Variants in EXT1 observed in about 807,000 individuals in gnomAD.
EXT1 encodes the protein exostosin glycosyltransferase 1.
In EXT1, 20 loss-of-function variants were observed where a neutral mutation model predicts 82.5. The observed-to-expected ratio is 0.24, with a 90% CI of 0.17 to 0.35. The LOEUF (loss-of-function observed/expected upper bound fraction) is 0.35, where lower values mean the gene tolerates loss of function less well. EXT1 is among the 10% of genes least tolerant of loss of function. The pLI is 1.00. For missense variants in EXT1, 757 were observed against 936.5 expected (o/e 0.81, Z 2.50); for synonymous variants, 348 against 350.8 (o/e 0.99, Z 0.09).
intron 3 of EXT1, among the ~76,000 whole-genome samples, chr8:117,834,148 A>C (rs4546690): frequency 0.23 from 34,720 of 152,158 alleles, 4,626 homozygotes; most frequent in Middle Eastern, 0.38. Context: ...TCACAAACTG[A>C]GTGCCAGACA....
intron 7 of EXT1, among the ~76,000 whole-genome samples, chr8:117,816,252 A>C (rs1179133022): frequency 6.6e-6 from 1 of 152,146 alleles, no homozygotes; most frequent in East Asian, 1.9e-4. Flanking sequence ...GTCACACAAA[A>C]GTAATTTTGA....
At chr8:117,948,293 G>A (rs1814426162) in intron 1 of EXT1, among the ~76,000 whole-genome samples, 1 of 103,550 alleles carries the variant, frequency 9.7e-6, no homozygotes, top group Non-Finnish European at 1.7e-5. Flanking sequence ...GTGAGAGGCA[G>A]AAAGAAGTCA....
At chr8:118,009,433 C>T (rs17453742) in intron 1 of EXT1, among the ~76,000 whole-genome samples, 4 of 152,120 alleles carry the variant, frequency 2.6e-5, no homozygotes, top group African/African-American at 4.8e-5. Context: ...GAGAAAAGGA[C>T]GTGGAGAAAG....
At chr8:118,030,929 G>A (rs1208276248) in intron 1 of EXT1, among the ~76,000 whole-genome samples, 7 of 152,146 alleles carry the variant, frequency 4.6e-5, no homozygotes, top group Admixed American at 3.9e-4. Context: ...TCACTCTTAC[G>A]TTTCTAAAGG....
intron 1 of EXT1, among the ~76,000 whole-genome samples, chr8:118,099,584 G>A (rs141195338): frequency 5.3e-4 from 81 of 152,208 alleles, no homozygotes; most frequent in Non-Finnish European, 7.3e-5. Context: ...AAGGACACAG[G>A]TTCAAAAGTC....
intron 1 of EXT1, among the ~76,000 whole-genome samples, chr8:117,854,668 C>T (rs1160682371): frequency 6.6e-6 from 1 of 152,190 alleles, no homozygotes; most frequent in Non-Finnish European, 1.5e-5. Flanking sequence ...CTGTTGAGAG[C>T]ACACTCATTC....
chr8:118,000,324 A>G (rs17453651), intron 1 of EXT1, among the ~76,000 whole-genome samples: 2,930 of 152,152 alleles, frequency 0.019, 37 homozygotes, highest in Middle Eastern at 0.031. Context: ...AAAATGAACA[A>G]TCCCTGACTA....
rs981756662 is a variant in EXT1 at position 117,801,479 on chromosome 8, C to T, written c.2056-1582G>A. ...ATCCCAAATGTAACTTGTTTTGACC[C>T]TAAATGGATATGAGTTTGTGGGCCA... On this transcript the variant is annotated intron_variant, in intron 10 of 10. Transcript: ENST00000378204. 3.3e-5 allele frequency among the ~76,000 whole-genome samples: 5 copies of T among 152,158 alleles called. No homozygotes were observed. In the East Asian group the frequency reaches 9.7e-4, roughly 29 times the overall value.
chr8:117,856,061 T>A (rs922669632), intron 1 of EXT1, among the ~76,000 whole-genome samples: 1 of 152,208 alleles, frequency 6.6e-6, no homozygotes, highest in Non-Finnish European at 1.5e-5. Flanking sequence ...ATGCCTCTCA[T>A]GCCAAACAGC....
intron 1 of EXT1, among the ~76,000 whole-genome samples, chr8:117,989,754 C>T (rs1159254863): frequency 6.6e-6 from 1 of 152,228 alleles, no homozygotes. Flanking sequence ...CTCACATTTG[C>T]TGTCCATGCC....
chr8:118,071,177 G>A (rs769458630), intron 1 of EXT1, among the ~76,000 whole-genome samples: 3 of 152,174 alleles, frequency 2.0e-5, no homozygotes, highest in South Asian at 2.1e-4. Flanking sequence ...GGTAGGTAGA[G>A]CATTTTGCAG....
chr8:118,081,025 C>T (rs1817316582), intron 1 of EXT1, among the ~76,000 whole-genome samples: 1 of 152,140 alleles, frequency 6.6e-6, no homozygotes, highest in Non-Finnish European at 1.5e-5. Flanking sequence ...ATTTAGGGAG[C>T]ACTTATCTTA....
chr8:117,935,908 A>G (rs1292165028), intron 1 of EXT1, among the ~76,000 whole-genome samples: 3 of 152,140 alleles, frequency 2.0e-5, no homozygotes, highest in Non-Finnish European at 4.4e-5. Flanking sequence ...CTATATTCAA[A>G]GCTCCCTGGT....
At chr8:117,868,572 C>T (rs1216163288) in intron 1 of EXT1, among the ~76,000 whole-genome samples, 1 of 152,138 alleles carries the variant, frequency 6.6e-6, no homozygotes, top group Non-Finnish European at 1.5e-5. Flanking sequence ...CCACCTCAGC[C>T]TCCTGAGTAG....
At chr8:118,002,694 C>A (rs1445114782) in intron 1 of EXT1, among the ~76,000 whole-genome samples, 1 of 151,702 alleles carries the variant, frequency 6.6e-6, no homozygotes, top group Non-Finnish European at 1.5e-5. Context: ...ACCACGCCCC[C>A]CTAATTTTTT....
chr8:118,052,087 T>C (rs1816727115), intron 1 of EXT1, among the ~76,000 whole-genome samples: 1 of 152,214 alleles, frequency 6.6e-6, no homozygotes, highest in Non-Finnish European at 1.5e-5. Context: ...AAGGTCATCA[T>C]GTCAACTAAA....
chr8:117,804,719 T>C lies in EXT1; in HGVS notation c.2055+3A>G. Reference sequence around the variant, plus strand: ...CAAGGGAAGAGGGCTCTTCTATACTTACCTGTCCCATCATTGTCTCCTTAT... The same window carrying C: ...CAAGGGAAGAGGGCTCTTCTATACTCACCTGTCCCATCATTGTCTCCTTAT... On this transcript the variant is annotated splice_donor_region_variant and intron_variant, in intron 10 of 10. Transcript: ENST00000378204. 6.2e-7 allele frequency: 1 copy of C among 1,614,028 alleles called. No individual in the cohort carries two copies. The highest frequency in any genetic ancestry group is 8.5e-7 in the Non-Finnish European group (1 of 1,179,906).
At chr8:117,880,160 A>T (rs1813036199) in intron 1 of EXT1, among the ~76,000 whole-genome samples, 1 of 152,222 alleles carries the variant, frequency 6.6e-6, no homozygotes. Context: ...GTATTCGGCC[A>T]TTCATCCAAA....
chr8:118,050,865 C>T (rs891206838), intron 1 of EXT1, among the ~76,000 whole-genome samples: 2 of 152,134 alleles, frequency 1.3e-5, no homozygotes, highest in African/African-American at 4.8e-5. Flanking sequence ...GATGATATTG[C>T]TCTAAGAATT....
Sources: allele counts gnomAD v4.1 joint callset (sites outside exome capture counted in the v4.1 genomes callset), GRCh38; gene constraint gnomAD v4.1.1; transcripts MANE v1.5; gene names NCBI Gene and HGNC (gene_info 2026-07-23, HGNC 2026-07-21).